Variants in RUNX2 observed in about 807,000 individuals in gnomAD.
The protein encoded by RUNX2 is runt-related transcription factor 2.
Under a neutral mutation model 51.7 loss-of-function variants are expected in RUNX2, and 10 were observed. The ratio of observed to expected loss-of-function variants is 0.19; its 90% CI spans 0.12 to 0.33. The LOEUF is 0.33. Among genes scored for constraint, RUNX2 ranks in the 10% least tolerant of loss-of-function variants. The probability of loss-of-function intolerance (pLI) is 1.00; values close to 1 mark genes in which losing one functional copy is unlikely to be tolerated. For missense variants in RUNX2, 562 were observed against 691.3 expected (o/e 0.81, Z 2.10); for synonymous variants, 276 against 273.6 (o/e 1.01, Z -0.09).
chr6:45,496,075 C>T (rs1266733227), intron 6 of RUNX2, among the ~76,000 whole-genome samples: 1 of 152,008 alleles, frequency 6.6e-6, no homozygotes, highest in Non-Finnish European at 1.5e-5. Flanking sequence ...TCTCTAGGTG[C>T]CAGGAAACAC....
intron 2 of RUNX2, among the ~76,000 whole-genome samples, chr6:45,335,756 T>G (rs12199256): frequency 0.23 from 34,012 of 150,916 alleles, 4,487 homozygotes; most frequent in Non-Finnish European, 0.31. Flanking sequence ...ATGAGAAAAC[T>G]CCCATCAAGA....
intron 5 of RUNX2, among the ~76,000 whole-genome samples, chr6:45,464,599 A>C (rs757403451): frequency 9.2e-5 from 14 of 152,206 alleles, no homozygotes; most frequent in Non-Finnish European, 2.1e-4. Flanking sequence ...ACAGAGCTGG[A>C]AAAACCAGCT....
At chr6:45,447,469 G>T (rs1255818804) in intron 5 of RUNX2, among the ~76,000 whole-genome samples, 1 of 152,060 alleles carries the variant, frequency 6.6e-6, no homozygotes, top group East Asian at 1.9e-4. Flanking sequence ...CTATTGGTTT[G>T]CAAGTTATCA....
intron 7 of RUNX2, among the ~76,000 whole-genome samples, chr6:45,531,054 T>A (rs370984648): frequency 1.3e-5 from 2 of 152,174 alleles, no homozygotes; most frequent in African/African-American, 4.8e-5. Context: ...CAGCAGGAAA[T>A]GAGGGCTCAG....
intron 5 of RUNX2, among the ~76,000 whole-genome samples, chr6:45,481,368 A>C (rs917033759): frequency 7.2e-5 from 11 of 152,228 alleles, no homozygotes; most frequent in Admixed American, 2.6e-4. Context: ...CGCTAAAAAA[A>C]TCTTTGCATC....
Position 45,512,303 on chromosome 6 carries a change from A to C in RUNX2, c.917A>C (p.Tyr306Ser), listed in dbSNP as rs1199475592. 6.2e-7 allele frequency: 1 copy of C among 1,613,994 alleles called. No individual in the cohort carries two copies. Among genetic ancestry groups the C allele is most frequent in the Non-Finnish European group, 8.5e-7 (1 of 1,179,974 alleles). The change falls in exon 7 of 9, where the codon TAC becomes TCC. Residue 306 changes from tyrosine to serine, a missense_variant. Transcript: ENST00000647337. ...TCCTATGACCAGTCTTACCCCTCCT[A>C]CCTGAGCCAGATGACGTCCCCGTCC... Reference protein sequence around the residue: ...PWSYDQSYPSYLSQMTSPSIH... With the variant: ...PWSYDQSYPSSLSQMTSPSIH...
chr6:45,357,414 G>C (rs6933449), intron 2 of RUNX2, among the ~76,000 whole-genome samples: 62,955 of 151,772 alleles, frequency 0.41, 13,880 homozygotes, highest in Non-Finnish European at 0.5. Flanking sequence ...CACTGCAGCC[G>C]TAACCTCCTA....
intron 7 of RUNX2, among the ~76,000 whole-genome samples, chr6:45,543,119 T>C (rs973234055): frequency 4.6e-5 from 7 of 152,208 alleles, no homozygotes; most frequent in African/African-American, 7.2e-5. Flanking sequence ...CTCCTCCACA[T>C]CATATTCATG....
At chr6:45,518,600 C>T (rs899376053) in intron 7 of RUNX2, among the ~76,000 whole-genome samples, 3 of 152,082 alleles carry the variant, frequency 2.0e-5, no homozygotes, top group Non-Finnish European at 4.4e-5. Context: ...CACTGAGATA[C>T]TAAAGCTCAG....
rs1203690597 is a variant in RUNX2, at chr6:45,505,360, CT to C, written c.860-6870del. Among the ~76,000 whole-genome samples the C allele has an allele frequency of 6.0e-3, 845 of 139,804 alleles. 3 individuals are homozygous for C. Among genetic ancestry groups the C allele is most frequent in the East Asian group, 9.5e-3 (46 of 4,858 alleles). 91.7% of individuals were successfully genotyped at this position (139,804 alleles called of 152,430 possible). A position where few individuals can be genotyped will look rare whatever the true frequency, so the allele number is the denominator to read the frequency against. On this transcript the variant is annotated intron_variant, in intron 6 of 8. Coordinates refer to ENST00000647337, the MANE Select transcript of RUNX2 (RefSeq NM_001024630.4). ...GAGTCAGTTCATTTTCCTGGGATGC[CT>C]TTTTTTTTTTTTTTTCTTTTCTGCC...
At chr6:45,362,529 A>G (rs1794443863) in intron 2 of RUNX2, among the ~76,000 whole-genome samples, 1 of 152,214 alleles carries the variant, frequency 6.6e-6, no homozygotes, top group Non-Finnish European at 1.5e-5. Context: ...TATACAATCA[A>G]AAGCCTAAAA....
At chr6:45,492,142 C>T (rs1800498916) in intron 6 of RUNX2, 28 bp downstream of exon 6, 1 of 1,611,508 alleles carries the variant, frequency 6.2e-7, no homozygotes, top group Non-Finnish European at 8.5e-7. Flanking sequence ...GTTTCACTTG[C>T]ATAGACGCTG....
At chr6:45,511,607 T>C (rs1008220406) in intron 6 of RUNX2, among the ~76,000 whole-genome samples, 10 of 152,166 alleles carry the variant, frequency 6.6e-5, no homozygotes, top group African/African-American at 2.4e-4. Context: ...CTTCCCTCCT[T>C]CCTGTTCATC....
chr6:45,472,142 T>G (rs1421754483), intron 5 of RUNX2, among the ~76,000 whole-genome samples: 1 of 152,140 alleles, frequency 6.6e-6, no homozygotes, highest in African/African-American at 2.4e-5. Flanking sequence ...AATTTCAAGA[T>G]TTTTAGTTTA....
chr6:45,480,610 T>G (rs1481940428), intron 5 of RUNX2, among the ~76,000 whole-genome samples: 1 of 152,230 alleles, frequency 6.6e-6, no homozygotes. Context: ...CACTGACATG[T>G]GCCTATGCAC....
At chr6:45,337,880 A>G (rs557226049) in intron 2 of RUNX2, among the ~76,000 whole-genome samples, 1 of 152,100 alleles carries the variant, frequency 6.6e-6, no homozygotes, top group African/African-American at 2.4e-5. Flanking sequence ...TTATTTTTTT[A>G]GAGAAAAAGT....
chr6:45,366,198 G>T (rs2150282824), intron 2 of RUNX2, among the ~76,000 whole-genome samples: 1 of 152,302 alleles, frequency 6.6e-6, no homozygotes, highest in African/African-American at 2.4e-5. Context: ...TTCTAAAGAA[G>T]AATGTAAGAT....
rs534726358 is a variant in RUNX2 at position 45,499,167 on chromosome 6, T to G, written c.859+7053T>G. Among the ~76,000 whole-genome samples, 5 of 152,300 alleles carry G rather than the reference T, an allele frequency of 3.3e-5. No homozygotes were observed. In the East Asian group the frequency reaches 7.7e-4, roughly 24 times the overall value. ...GAAGTCACTGCATTGAAAGACAGAT[T>G]GTTGGAAGTGGTTCTTTTTTACTTT... On this transcript the variant is annotated intron_variant, in intron 6 of 8. Coordinates refer to ENST00000647337, the MANE Select transcript of RUNX2 (RefSeq NM_001024630.4).
chr6:45,353,285 A>G (rs1792449929), intron 2 of RUNX2, among the ~76,000 whole-genome samples: 1 of 152,150 alleles, frequency 6.6e-6, no homozygotes. Context: ...GGAACTTGAT[A>G]AAATGATTCC....
Sources: gnomAD v4.1 joint callset for allele counts (sites outside exome capture counted in the v4.1 genomes callset) on GRCh38, gnomAD v4.1.1 for gene constraint, MANE v1.5 for transcripts, NCBI Gene and HGNC (gene_info 2026-07-23, HGNC 2026-07-21) for gene names.